Variants in CRHR1 observed in about 807,000 individuals in gnomAD.
CRHR1 encodes the protein corticotropin releasing hormone receptor 1, also known as corticotropin-releasing hormone receptor 1.
CRHR1 carries 28 observed loss-of-function variants against 56.0 expected under a neutral mutation model. The observed-to-expected ratio is 0.50, with a 90% CI of 0.37 to 0.69. The LOEUF (loss-of-function observed/expected upper bound fraction) is 0.69. Ranked by LOEUF, CRHR1 falls within the 30% of genes least tolerant of loss-of-function variation. The pLI, the probability that CRHR1 is intolerant of heterozygous loss-of-function variation, is 0.00. For missense variants in CRHR1, 376 were observed against 548.0 expected, an observed-to-expected ratio of 0.69 and a Z score of 3.13; for synonymous variants, 195 against 216.5, an observed-to-expected ratio of 0.90 and a Z score of 0.87.
chr17:45,800,311 G>C (rs118115558), intron 1 of CRHR1: 3,489 of 152,302 alleles, frequency 0.023, 76 homozygotes, highest in Non-Finnish European at 0.031. Flanking sequence ...CCAAAGCAAG[G>C]CTTCCTGAGA....
At chr17:45,812,981 C>G (rs941132702) in intron 2 of CRHR1, among the ~76,000 whole-genome samples, 1 of 152,214 alleles carries the variant, frequency 6.6e-6, no homozygotes, top group Non-Finnish European at 1.5e-5. Flanking sequence ...AGGCCTTGTC[C>G]CTACAGGGTC....
chr17:45,828,333 C>T (rs919029840), intron 4 of CRHR1, among the ~76,000 whole-genome samples: 1 of 152,234 alleles, frequency 6.6e-6, no homozygotes, highest in Non-Finnish European at 1.5e-5. Context: ...GCGCGACCTC[C>T]AGCGCGTCAG....
intron 1 of CRHR1, among the ~76,000 whole-genome samples, chr17:45,789,839 C>T (rs1034420392): frequency 2.0e-5 from 3 of 152,198 alleles, no homozygotes; most frequent in Admixed American, 2.0e-4. Flanking sequence ...GGGCAAGTCA[C>T]CTCTTCATCT....
chr17:45,806,962 T>A, intron 1 of CRHR1, 48 bp from the exon 2 acceptor site: 1 of 1,556,222 alleles, frequency 6.4e-7, no homozygotes, highest in South Asian at 1.1e-5. Flanking sequence ...AACATGCTCA[T>A]GGCTCATGGC....
intron 8 of CRHR1, among the ~76,000 whole-genome samples, chr17:45,832,238 A>T (rs1026676805): frequency 6.6e-6 from 1 of 152,154 alleles, no homozygotes; most frequent in African/African-American, 2.4e-5. Context: ...TGAGTCTCAA[A>T]AAACAAAGCA....
At chr17:45,797,439 C>T (rs897245470) in intron 1 of CRHR1, among the ~76,000 whole-genome samples, 3 of 151,864 alleles carry the variant, frequency 2.0e-5, no homozygotes, top group Non-Finnish European at 2.9e-5. Context: ...TACAGGCGCC[C>T]GCCACCACGC....
intron 1 of CRHR1, among the ~76,000 whole-genome samples, chr17:45,785,011 C>T (rs1263203522): frequency 6.6e-6 from 1 of 152,214 alleles, no homozygotes; most frequent in Non-Finnish European, 1.5e-5. Flanking sequence ...CGCACGCCCC[C>T]GCCCTAGTCT....
At chr17:45,786,147 T>C (rs2061332225) in intron 1 of CRHR1, among the ~76,000 whole-genome samples, 1 of 151,928 alleles carries the variant, frequency 6.6e-6, no homozygotes, top group African/African-American at 2.4e-5. Flanking sequence ...TTTTCAGGTT[T>C]ACGCGGAAAT....
At position 45,784,604 on chromosome 17, in the gene CRHR1, GC is replaced by G; in HGVS notation, c.33+28del. The G allele has an allele frequency of 6.5e-7, 1 of 1,539,306 alleles. No homozygotes were observed. The highest frequency in any genetic ancestry group is 1.4e-5 in the African/African-American group (1 of 71,822). On this transcript the variant is annotated intron_variant, in intron 1 of 12. Transcript: ENST00000314537. The surrounding 1 kb of genome is among the most constrained non-coding windows in gnomAD (Gnocchi z 4.2). ...TAACAGCCCGCCGGCCATCCCTCGA[GC>G]GCTGGCGCCCCCGGCCCCTGGCGGA...
chr17:45,833,941 G>C, intron 11 of CRHR1, 66 bp from the exon 12 acceptor site: 3 of 1,613,144 alleles, frequency 1.9e-6, no homozygotes, highest in Non-Finnish European at 2.5e-6. Flanking sequence ...AGAAGCAAGG[G>C]GCAGCCCAGA....
chr17:45,834,830 C>T lies in CRHR1; in HGVS notation c.*66C>T, dbSNP rs760272911. 63 of 1,602,048 alleles carry T rather than the reference C, an allele frequency of 3.9e-5. No homozygotes were observed. Among genetic ancestry groups the T allele is most frequent in the Middle Eastern group, 1.7e-4 (1 of 6,050 alleles). ...GGGGGATGACGGCCAGGCTCCCTGA[C>T]CACCCTGCCTGTGGAGGTGACCTGT... On this transcript the variant is annotated 3_prime_UTR_variant, in exon 13 of 13. Transcript: ENST00000314537.
At chr17:45,813,422 CCT>C (rs3029039) in intron 2 of CRHR1, among the ~76,000 whole-genome samples, 1,904 of 152,254 alleles carry the variant, frequency 0.013, 17 homozygotes, top group Non-Finnish European at 0.021. Flanking sequence ...GTTCTTGCAG[CCT>C]CTCTCTCCCT....
chr17:45,830,518 C>G lies in CRHR1; in HGVS notation c.657C>G (p.Leu219=). 6.2e-7 allele frequency: 1 copy of G among 1,613,644 alleles called. No homozygotes were observed. Among genetic ancestry groups the G allele is most frequent in the Non-Finnish European group, 8.5e-7 (1 of 1,179,924 alleles). Residue 219 remains leucine, a synonymous_variant, in exon 7 of 13, where the codon CTC becomes CTG. Transcript: ENST00000314537. ...GCTACCTGCACACAGCCATCGTGCT[C>G]ACCTACTCCACTGACCGGCTGCGCA... ...EGCYLHTAIV[L]TYSTDRLRKW...
At chr17:45,811,690 T>A (rs891678807) in intron 2 of CRHR1, among the ~76,000 whole-genome samples, 1 of 152,148 alleles carries the variant, frequency 6.6e-6, no homozygotes, top group African/African-American at 2.4e-5. Context: ...TACTTGCAGT[T>A]GCCTCTGCTG....
chr17:45,806,570 T>A (rs1046868020), intron 1 of CRHR1, among the ~76,000 whole-genome samples: 9 of 152,074 alleles, frequency 5.9e-5, no homozygotes, highest in African/African-American at 2.2e-4. Context: ...GGTGCACGCA[T>A]GGGGATGTCA....
At chr17:45,819,034 C>T (rs1465087491) in intron 3 of CRHR1, among the ~76,000 whole-genome samples, 2 of 152,110 alleles carry the variant, frequency 1.3e-5, no homozygotes, top group Non-Finnish European at 2.9e-5. Context: ...GATGGGACTC[C>T]TGACTCTCCC....
rs370128802 is a variant in CRHR1 at position 45,833,201 on chromosome 17, G to T, written c.834G>T (p.Leu278=). 3.7e-6 allele frequency: 6 copies of T among 1,613,966 alleles called. No individual in the cohort carries two copies. Among genetic ancestry groups the T allele is most frequent in the Non-Finnish European group, 5.1e-6 (6 of 1,179,994 alleles). ...TDYIYQGPMI[L]VLLINFIFLF... is the part of the protein sequence containing the mutation. ...ACATCTACCAGGGCCCCATGATCCT[G>T]GTCCTGCTGGTAAGAACCTGGGTAG... The change falls in exon 9 of 13, where the codon CTG becomes CTT. Residue 278 remains leucine, a synonymous_variant. Transcript: ENST00000314537.
chr17:45,827,207 T>G (rs2062182477), intron 4 of CRHR1: 1 of 152,190 alleles, frequency 6.6e-6, no homozygotes, highest in African/African-American at 2.4e-5. Context: ...AGCAGGTGCT[T>G]AACAGATAAC....
At chr17:45,803,917 G>T (rs908663631) in intron 1 of CRHR1, among the ~76,000 whole-genome samples, 1 of 152,228 alleles carries the variant, frequency 6.6e-6, no homozygotes, top group African/African-American at 2.4e-5. Flanking sequence ...CCTCTCCGGG[G>T]ACAGAGCCGA....
Sources: allele counts gnomAD v4.1 joint callset (sites outside exome capture counted in the v4.1 genomes callset), GRCh38; gene constraint gnomAD v4.1.1; non-coding constraint Gnocchi (gnomAD v3.1); transcripts MANE v1.5; gene names NCBI Gene and HGNC (gene_info 2026-07-23, HGNC 2026-07-21).